PDZRN3: variants seen among roughly 807,000 people sequenced by gnomAD.
PDZRN3 encodes E3 ubiquitin-protein ligase PDZRN3.
Under a neutral mutation model 85.7 loss-of-function variants are expected in PDZRN3, and 38 were observed. The observed-to-expected ratio is 0.44, with a 90% CI of 0.34 to 0.58. PDZRN3 has a LOEUF of 0.58. Ranked by LOEUF, PDZRN3 falls within the 20% of genes least tolerant of loss-of-function variation. The pLI is 0.01. For missense variants in PDZRN3, 1,629 were observed against 1,506.4 expected (o/e 1.08, Z -1.35); for synonymous variants, 759 against 638.0 (o/e 1.19, Z -2.86).
intron 5 of PDZRN3, among the ~76,000 whole-genome samples, chr3:73,394,362 A>G (rs1208565142): frequency 1.3e-5 from 2 of 152,160 alleles, no homozygotes; most frequent in Non-Finnish European, 2.9e-5. Flanking sequence ...GTAGAGCCCA[A>G]TGCTGCGTTT....
intron 3 of PDZRN3, among the ~76,000 whole-genome samples, chr3:73,566,080 A>T (rs995471727): frequency 2.0e-5 from 3 of 149,300 alleles, no homozygotes; most frequent in African/African-American, 7.4e-5. Flanking sequence ...GGGAGTAAAA[A>T]CCTGAAATTT....
chr3:73,518,008 A>T (rs963562456), intron 3 of PDZRN3, among the ~76,000 whole-genome samples: 20 of 152,256 alleles, frequency 1.3e-4, no homozygotes, highest in African/African-American at 4.6e-4. Context: ...ACTTGTGGGT[A>T]TATACCCAAA....
intron 3 of PDZRN3, chr3:73,474,723 C>T: frequency 1.4e-6 from 1 of 700,174 alleles, no homozygotes; most frequent in South Asian, 2.9e-5. Flanking sequence ...CCATTTCAGG[C>T]CCTGGGAAAG....
intron 3 of PDZRN3, among the ~76,000 whole-genome samples, chr3:73,509,990 C>CAT (rs1418680431): frequency 6.6e-6 from 1 of 152,204 alleles, no homozygotes; most frequent in Non-Finnish European, 1.5e-5. Flanking sequence ...AACAGAAAGC[C>CAT]ATTTGTTTCT....
intron 3 of PDZRN3, chr3:73,569,420 G>A (rs2106848302): frequency 8.7e-7 from 1 of 1,151,972 alleles, no homozygotes; most frequent in Admixed American, 4.2e-5. Context: ...CATATTTCCT[G>A]TCTCTTCCAT....
chr3:73,499,010 C>G (rs1479428631), intron 3 of PDZRN3, among the ~76,000 whole-genome samples: 2 of 152,152 alleles, frequency 1.3e-5, no homozygotes, highest in Non-Finnish European at 2.9e-5. Context: ...TAGGCAGAAA[C>G]CAGGCTCTGT....
intron 3 of PDZRN3, among the ~76,000 whole-genome samples, chr3:73,568,339 A>T (rs2106845960): frequency 6.6e-6 from 1 of 152,286 alleles, no homozygotes; most frequent in African/African-American, 2.4e-5. Context: ...ATCTTCCCCT[A>T]AAAAAGCAGG....
At chr3:73,442,004 G>A (rs770514426) in intron 3 of PDZRN3, among the ~76,000 whole-genome samples, 54 of 152,270 alleles carry the variant, frequency 3.5e-4, no homozygotes, top group Admixed American at 1.3e-4. Flanking sequence ...ATGGTCCATG[G>A]GTAATCTCTT....
intron 1 of PDZRN3, among the ~76,000 whole-genome samples, chr3:73,609,748 T>C (rs759945152): frequency 5.2e-5 from 8 of 152,394 alleles, no homozygotes; most frequent in African/African-American, 1.2e-4. Context: ...TTTTGCTTTC[T>C]GTTCAAACTT....
intron 3 of PDZRN3, among the ~76,000 whole-genome samples, chr3:73,482,449 C>T (rs552127838): frequency 5.3e-5 from 8 of 152,198 alleles, no homozygotes; most frequent in African/African-American, 9.7e-5. Context: ...ACCTCTCCTA[C>T]GCGTTTATAG....
At position 73,482,790 on chromosome 3, in the gene PDZRN3, T is replaced by G. The variant is rs375108400; in HGVS notation, c.919-78395A>C. Reference sequence around the variant, plus strand: ...CCATTACATAGTGACACAGAATTTATGGGATCTTTAACTTACACTGTTTCT... The same window carrying G: ...CCATTACATAGTGACACAGAATTTAGGGGATCTTTAACTTACACTGTTTCT... On this transcript the variant is annotated intron_variant, in intron 3 of 9. Coordinates refer to ENST00000263666, the MANE Select transcript of PDZRN3 (RefSeq NM_015009.3). 1.6e-3 allele frequency among the ~76,000 whole-genome samples: 241 copies of G among 152,314 alleles called. 1 individual carries two copies. Among genetic ancestry groups the G allele is most frequent in the African/African-American group, 5.2e-3 (215 of 41,564 alleles).
chr3:73,439,361 A>G (rs1390612149), intron 3 of PDZRN3, among the ~76,000 whole-genome samples: 2 of 152,218 alleles, frequency 1.3e-5, no homozygotes, highest in Non-Finnish European at 2.9e-5. Context: ...CTGTAGACCT[A>G]AAAGAATCAC....
chr3:73,386,748 C>G (rs1005401399), intron 8 of PDZRN3, among the ~76,000 whole-genome samples: 4 of 152,224 alleles, frequency 2.6e-5, no homozygotes, highest in Admixed American at 6.5e-5. Context: ...CTATCTGGCC[C>G]TTTAAGAAAA....
chr3:73,530,758 TAATC>T lies in PDZRN3; in HGVS notation c.918+71592_918+71595del, dbSNP rs1398224352. 2.0e-5 allele frequency among the ~76,000 whole-genome samples: 3 copies of T among 152,344 alleles called. No homozygotes were observed. In the East Asian group the frequency reaches 5.8e-4, roughly 29 times the overall value. ...TTCATTTCTTATGTACCTCAAAATT[TAATC>T]AATCAAAACTTTGAATTTTAAGAAA... On this transcript the variant is annotated intron_variant, in intron 3 of 9. Coordinates refer to ENST00000263666, the MANE Select transcript of PDZRN3 (RefSeq NM_015009.3).
intron 3 of PDZRN3, among the ~76,000 whole-genome samples, chr3:73,524,921 A>G (rs556647635): frequency 1.4e-4 from 21 of 151,594 alleles, no homozygotes; most frequent in African/African-American, 5.1e-4. Context: ...TATGAAAATC[A>G]CAGATCCGAT....
At chr3:73,531,298 G>C (rs78578961) in intron 3 of PDZRN3, among the ~76,000 whole-genome samples, 1,577 of 150,888 alleles carry the variant, frequency 0.01, 31 homozygotes, top group African/African-American at 0.036. Context: ...GTCCCAAAAG[G>C]TGTTGGAAAA....
intron 3 of PDZRN3, among the ~76,000 whole-genome samples, chr3:73,550,596 A>G (rs1000679384): frequency 6.6e-6 from 1 of 152,234 alleles, no homozygotes; most frequent in African/African-American, 2.4e-5. Flanking sequence ...TCACAGCAGC[A>G]GACATTGCCA....
intron 1 of PDZRN3, among the ~76,000 whole-genome samples, chr3:73,609,481 G>GA (rs1388638700): frequency 6.6e-6 from 1 of 152,170 alleles, no homozygotes; most frequent in Non-Finnish European, 1.5e-5. Context: ...AACCTTATGT[G>GA]AAAACTGTCA....
At chr3:73,617,262 T>C (rs1702777792) in intron 1 of PDZRN3, among the ~76,000 whole-genome samples, 1 of 152,148 alleles carries the variant, frequency 6.6e-6, no homozygotes, top group Non-Finnish European at 1.5e-5. Flanking sequence ...CCTGTAAATA[T>C]ATGGATGGAA....
Sources: allele counts gnomAD v4.1 joint callset (sites outside exome capture counted in the v4.1 genomes callset), GRCh38; gene constraint gnomAD v4.1.1; transcripts MANE v1.5; gene names NCBI Gene and HGNC (gene_info 2026-07-23, HGNC 2026-07-21).